The following ABLIM3 variants were observed in gnomAD, a reference collection of about 807,000 sequenced individuals.
ABLIM3 encodes the protein actin-binding LIM protein 3.
A neutral mutation model predicts 109.5 loss-of-function variants in ABLIM3; 61 were observed. That is an observed-to-expected ratio of 0.56 (90% CI 0.45 to 0.69). The LOEUF (loss-of-function observed/expected upper bound fraction) is 0.69. Among genes scored for constraint, ABLIM3 ranks in the 30% least tolerant of loss-of-function variants. The pLI is 0.00. For missense variants in ABLIM3, 796 were observed against 889.5 expected (o/e 0.89, Z 1.34); for synonymous variants, 300 against 324.8 (o/e 0.92, Z 0.82).
At chr5:149,246,569 A>C (rs1305247807) in intron 17 of ABLIM3, 23 bp downstream of exon 17, 3 of 1,613,340 alleles carry the variant, frequency 1.9e-6, no homozygotes, top group Admixed American at 1.7e-5. Context: ...CACAGCACTG[A>C]ATATGATGCT....
chr5:149,217,290 G>T, intron 8 of ABLIM3: 1 of 546,322 alleles, frequency 1.8e-6, no homozygotes, highest in South Asian at 2.1e-5. Context: ...TGCCCAGCTG[G>T]ACTGCTTCCC....
chr5:149,152,819 G>A (rs556736663), intron 2 of ABLIM3, among the ~76,000 whole-genome samples: 1 of 152,172 alleles, frequency 6.6e-6, no homozygotes, highest in South Asian at 2.1e-4. Flanking sequence ...CTGCTGAAAG[G>A]CCACAACAAT....
intron 3 of ABLIM3, among the ~76,000 whole-genome samples, chr5:149,185,197 T>C (rs114071766): frequency 0.062 from 9,423 of 152,164 alleles, 696 homozygotes; most frequent in African/African-American, 0.18. Flanking sequence ...GGCTGGGAAG[T>C]GTTTCCCAGT....
At chr5:149,172,716 T>C (rs901799346) in intron 2 of ABLIM3, among the ~76,000 whole-genome samples, 12 of 152,212 alleles carry the variant, frequency 7.9e-5, no homozygotes, top group Non-Finnish European at 1.6e-4. Flanking sequence ...CCCAGTAATT[T>C]TTTCCCCTTT....
chr5:149,156,053 T>C (rs1359059113), intron 2 of ABLIM3, among the ~76,000 whole-genome samples: 2 of 151,722 alleles, frequency 1.3e-5, no homozygotes, highest in Admixed American at 6.6e-5. Flanking sequence ...CGAGGGAGAG[T>C]GTGGGGATGC....
chr5:149,239,475 C>G (rs879039887), intron 12 of ABLIM3, among the ~76,000 whole-genome samples, 198 bp downstream of exon 12: 1 of 152,138 alleles, frequency 6.6e-6, no homozygotes, highest in South Asian at 2.1e-4. Context: ...CCCTTCCTGC[C>G]CAGAGATGGC....
At chr5:149,173,121 G>A (rs984505498) in intron 2 of ABLIM3, among the ~76,000 whole-genome samples, 1 of 152,224 alleles carries the variant, frequency 6.6e-6, no homozygotes, top group Non-Finnish European at 1.5e-5. Flanking sequence ...TGGAGTGGTG[G>A]TCAGGCTGTC....
In ABLIM3 at chr5:149,245,869, A is replaced by T. The variant is rs1753301623; in HGVS notation, c.1487-613A>T. 2.6e-5 allele frequency among the ~76,000 whole-genome samples: 4 copies of T among 152,306 alleles called. No homozygotes were observed. In the South Asian group the frequency reaches 8.3e-4, roughly 32 times the overall value. ...AGCAAAGCTTCACAGAAGCTCAGAG[A>T]TGACTCTTTGGTGCTGGGCACAGTG... On this transcript the variant is annotated intron_variant, in intron 16 of 23. Coordinates refer to ENST00000309868, the MANE Select transcript of ABLIM3 (RefSeq NM_014945.5).
intron 8 of ABLIM3, among the ~76,000 whole-genome samples, chr5:149,221,301 A>G (rs370795175): frequency 6.6e-6 from 1 of 152,152 alleles, no homozygotes; most frequent in African/African-American, 2.4e-5. Flanking sequence ...TAGAGGAGAG[A>G]GTGAATGTGA....
At chr5:149,219,859 T>C (rs921555608) in intron 8 of ABLIM3, 14 of 152,194 alleles carry the variant, frequency 9.2e-5, no homozygotes, top group African/African-American at 3.1e-4. Flanking sequence ...CCCATTCTCA[T>C]CCCTACCTGG....
Position 149,259,580 on chromosome 5 carries a change from C to T in ABLIM3, c.*1176C>T, listed in dbSNP as rs1754734287. On this transcript the variant is annotated 3_prime_UTR_variant, in exon 24 of 24. Coordinates refer to ENST00000309868, the MANE Select transcript of ABLIM3 (RefSeq NM_014945.5). The stretch of plus-strand genomic sequence containing the variant: ...TGGAAGAGTGGCTGCTTATGAGATT[C>T]CAAAATGAAGTGTTGGCCAACACCG... 1 of 1,536,128 alleles carries T rather than the reference C, an allele frequency of 6.5e-7. No individual in the cohort carries two copies. Among genetic ancestry groups the T allele is most frequent in the Non-Finnish European group, 8.7e-7 (1 of 1,146,910 alleles).
intron 8 of ABLIM3, among the ~76,000 whole-genome samples, chr5:149,224,654 G>A (rs1760994938): frequency 1.3e-5 from 2 of 152,164 alleles, no homozygotes; most frequent in South Asian, 4.1e-4. Flanking sequence ...ACCCAAACTA[G>A]ATCCTGGCAC....
At chr5:149,247,558 G>A in intron 17 of ABLIM3, 1 of 696,828 alleles carries the variant, frequency 1.4e-6, no homozygotes, top group Non-Finnish European at 2.6e-6. Flanking sequence ...TTGCTTTTTT[G>A]TGCCCACCAC....
Position 149,216,942 on chromosome 5 carries a change from T to C in ABLIM3, c.670-17T>C. On this transcript the variant is annotated splice_polypyrimidine_tract_variant and intron_variant, in intron 7 of 23. Transcript: ENST00000309868. Reference sequence around the variant, plus strand: ...GCCCTGGCTCTGACCTCCTGTTTCATCTTTTCATTTCCATAGGCAGGAGGG... The same window carrying C: ...GCCCTGGCTCTGACCTCCTGTTTCACCTTTTCATTTCCATAGGCAGGAGGG... The C allele has an allele frequency of 6.2e-7, 1 of 1,612,526 alleles. No homozygotes were observed. The highest frequency in any genetic ancestry group is 2.2e-5 in the East Asian group (1 of 44,856).
chr5:149,153,066 A>G (rs1323006928), intron 2 of ABLIM3, among the ~76,000 whole-genome samples: 1 of 152,100 alleles, frequency 6.6e-6, no homozygotes, highest in African/African-American at 2.4e-5. Flanking sequence ...TCTCTCTAAT[A>G]AGCCCCAGGA....
At chr5:149,166,122 T>C (rs1438761132) in intron 2 of ABLIM3, among the ~76,000 whole-genome samples, 2 of 152,228 alleles carry the variant, frequency 1.3e-5, no homozygotes, top group Admixed American at 6.5e-5. Context: ...GGAGTTTTAC[T>C]TTAAAATCCA....
intron 2 of ABLIM3, among the ~76,000 whole-genome samples, chr5:149,142,444 A>C (rs1388580269): frequency 6.6e-6 from 1 of 152,168 alleles, no homozygotes; most frequent in East Asian, 1.9e-4. Context: ...CCCTGCACAC[A>C]TCTGGAAAAC....
At position 149,200,385 on chromosome 5, in the gene ABLIM3, G is replaced by C; in HGVS notation, c.405G>C (p.Gln135His). 6.2e-7 allele frequency: 1 copy of C among 1,614,240 alleles called. No homozygotes were observed. The highest frequency in any genetic ancestry group is 1.7e-5 in the Admixed American group (1 of 60,032). ...GKECVCQTCS[Q>H]SMASSKPIKI... ...AATGTGTGTGCCAAACGTGCTCCCA[G>C]TCCATGGCCAGCAGTAAGCCCATCA... The change falls in exon 5 of 24, where the codon CAG becomes CAC. Residue 135 changes from glutamine (Q) to histidine (H), a missense_variant. Transcript: ENST00000309868.
intron 8 of ABLIM3, among the ~76,000 whole-genome samples, chr5:149,226,025 T>A (rs1343061225): frequency 7.6e-6 from 1 of 130,722 alleles, no homozygotes; most frequent in East Asian, 2.1e-4. Context: ...TATATATATA[T>A]ATCACAGTTT....
Sources: gnomAD v4.1 joint callset for allele counts (sites outside exome capture counted in the v4.1 genomes callset) on GRCh38, gnomAD v4.1.1 for gene constraint, MANE v1.5 for transcripts, NCBI Gene and HGNC (gene_info 2026-07-23, HGNC 2026-07-21) for gene names.